PALLD: variants seen among roughly 807,000 people sequenced by gnomAD.
PALLD encodes the protein palladin, cytoskeletal associated protein, also known as palladin.
Under a neutral mutation model 123.5 loss-of-function variants are expected in PALLD, and 61 were observed. The observed-to-expected ratio is 0.49, with a 90% CI of 0.40 to 0.61. The LOEUF is 0.61. PALLD is among the 20% of genes least tolerant of loss of function. The pLI is 0.00. For missense variants in PALLD, 1,273 were observed against 1,377.0 expected, an observed-to-expected ratio of 0.92 and a Z score of 1.20; for synonymous variants, 465 against 496.4, an observed-to-expected ratio of 0.94 and a Z score of 0.84.
chr4:168,617,207 T>C (rs960016081), intron 2 of PALLD, among the ~76,000 whole-genome samples: 5 of 152,182 alleles, frequency 3.3e-5, no homozygotes, highest in Non-Finnish European at 7.3e-5. Context: ...TTCTATACGA[T>C]AGAGAAATAA....
At chr4:168,634,395 T>C (rs969891434) in intron 2 of PALLD, among the ~76,000 whole-genome samples, 1 of 152,230 alleles carries the variant, frequency 6.6e-6, no homozygotes, top group African/African-American at 2.4e-5. Context: ...AACGTGCCTC[T>C]GCCAGCTGCC....
chr4:168,838,973 A>T (rs1453729697), intron 10 of PALLD, among the ~76,000 whole-genome samples: 1 of 151,896 alleles, frequency 6.6e-6, no homozygotes, highest in Non-Finnish European at 1.5e-5. Context: ...TTTGTTTGAG[A>T]CATGAACTCA....
intron 2 of PALLD, among the ~76,000 whole-genome samples, chr4:168,590,882 T>G (rs1022531286): frequency 1.4e-5 from 2 of 140,118 alleles, no homozygotes; most frequent in East Asian, 2.1e-4. Flanking sequence ...TTTTTTTTTT[T>G]TTTTTTTTTT....
At chr4:168,893,641 C>G (rs1404292946) in intron 11 of PALLD, among the ~76,000 whole-genome samples, 1 of 152,110 alleles carries the variant, frequency 6.6e-6, no homozygotes, top group Non-Finnish European at 1.5e-5. Context: ...AAAATGCTCC[C>G]GATGAGGCAG....
At chr4:168,732,558 G>A (rs1331711825) in intron 10 of PALLD, among the ~76,000 whole-genome samples, 1 of 152,148 alleles carries the variant, frequency 6.6e-6, no homozygotes, top group Non-Finnish European at 1.5e-5. Context: ...TGTTTAAAAA[G>A]TGAAAATAAA....
chr4:168,769,512 C>T (rs1364642156), intron 10 of PALLD, among the ~76,000 whole-genome samples: 4 of 152,168 alleles, frequency 2.6e-5, no homozygotes, highest in Non-Finnish European at 1.5e-5. Flanking sequence ...TAGAACTCAA[C>T]CGTGGGCTGG....
intron 2 of PALLD, among the ~76,000 whole-genome samples, chr4:168,655,944 G>A (rs576964018): frequency 1.3e-5 from 2 of 152,314 alleles, no homozygotes; most frequent in South Asian, 4.1e-4. Flanking sequence ...CCATAGAGTC[G>A]AAGACACCAA....
At chr4:168,709,545 A>G (rs1179961493) in intron 9 of PALLD, among the ~76,000 whole-genome samples, 5 of 154 alleles carry the variant, frequency 0.032, no homozygotes, top group African/African-American at 0.1. Flanking sequence ...GAAGGAAGGA[A>G]GGAAGGAAGG....
At chr4:168,596,386 A>G (rs890016818) in intron 2 of PALLD, among the ~76,000 whole-genome samples, 4 of 152,156 alleles carry the variant, frequency 2.6e-5, no homozygotes, top group Admixed American at 2.6e-4. Flanking sequence ...GCCTTAAAGG[A>G]CAGAAGTAGC....
At chr4:168,781,111 T>G (rs944197284) in intron 10 of PALLD, among the ~76,000 whole-genome samples, 1 of 152,246 alleles carries the variant, frequency 6.6e-6, no homozygotes, top group African/African-American at 2.4e-5. Flanking sequence ...TTGTTGGCTT[T>G]CTTTCTTTCA....
intron 2 of PALLD, chr4:168,537,714 G>T (rs1011728558): frequency 2.6e-5 from 4 of 152,152 alleles, no homozygotes; most frequent in Non-Finnish European, 5.9e-5. Context: ...AATTTCGCTG[G>T]CAGTCTTGTG....
intron 10 of PALLD, among the ~76,000 whole-genome samples, chr4:168,789,351 T>C (rs1394604247): frequency 1.3e-5 from 2 of 152,188 alleles, no homozygotes; most frequent in Non-Finnish European, 1.5e-5. Context: ...TTAAAATACA[T>C]TTATTACTTC....
intron 10 of PALLD, among the ~76,000 whole-genome samples, chr4:168,734,797 G>A (rs1036041406): frequency 2.0e-5 from 3 of 152,096 alleles, no homozygotes; most frequent in African/African-American, 7.2e-5. Context: ...GGTGGCACAC[G>A]CCTGTAGTCC....
chr4:168,877,836 C>T (rs1241801523), intron 10 of PALLD: 5 of 1,320,932 alleles, frequency 3.8e-6, no homozygotes, highest in East Asian at 3.2e-5. Context: ...CCCTTCCCGC[C>T]GCCGCCCGCC....
At chr4:168,806,984 C>T (rs575210109) in intron 10 of PALLD, among the ~76,000 whole-genome samples, 2 of 152,188 alleles carry the variant, frequency 1.3e-5, no homozygotes, top group East Asian at 1.9e-4. Context: ...GTGCTAAACA[C>T]GTGCCCGGAG....
intron 2 of PALLD, among the ~76,000 whole-genome samples, chr4:168,521,541 G>C (rs144217128): frequency 0.01 from 1,554 of 152,228 alleles, 12 homozygotes; most frequent in Middle Eastern, 0.027. Context: ...TTATTTTAAA[G>C]TGTTTACTTT....
intron 2 of PALLD, among the ~76,000 whole-genome samples, chr4:168,594,210 G>A (rs1339337991): frequency 1.3e-5 from 2 of 152,162 alleles, no homozygotes; most frequent in African/African-American, 4.8e-5. Context: ...TAAGGAGATG[G>A]TTAACGATAG....
chr4:168,682,929 T>TAAAA, intron 4 of PALLD, 69 bp from the exon 5 acceptor site: 8 of 735,908 alleles, frequency 1.1e-5, no homozygotes, highest in Admixed American at 2.6e-5. Flanking sequence ...TTATTTCTGC[T>TAAAA]AAAAAAAAAA....
intron 2 of PALLD, among the ~76,000 whole-genome samples, chr4:168,561,447 AT>A (rs202075708): frequency 2.6e-5 from 4 of 151,132 alleles, no homozygotes; most frequent in African/African-American, 2.4e-5. Flanking sequence ...TAATTTTTAA[AT>A]TTTTTTTTGG....
Sources: allele counts gnomAD v4.1 joint callset (sites outside exome capture counted in the v4.1 genomes callset), GRCh38; gene constraint gnomAD v4.1.1; transcripts MANE v1.5; gene names NCBI Gene and HGNC (gene_info 2026-07-23, HGNC 2026-07-21).